The following RC3H1 variants were observed in gnomAD, a reference collection of about 807,000 sequenced individuals.
RC3H1 encodes the protein ring finger and CCCH-type domains 1.
A neutral mutation model predicts 138.2 loss-of-function variants in RC3H1; 50 were observed. That is an observed-to-expected ratio of 0.36 (90% CI 0.29 to 0.46). RC3H1 has a LOEUF of 0.46. RC3H1 is among the 20% of genes least tolerant of loss of function. RC3H1 has a pLI of 1.00. For synonymous variants in RC3H1, 462 were observed against 489.1 expected, an observed-to-expected ratio of 0.94 and a Z score of 0.73; for missense variants, 1,031 against 1,388.1, an observed-to-expected ratio of 0.74 and a Z score of 4.09.
intron 2 of RC3H1, among the ~76,000 whole-genome samples, chr1:173,988,431 T>G (rs149099153): frequency 1.1e-3 from 162 of 152,384 alleles, no homozygotes; most frequent in African/African-American, 3.8e-3. Flanking sequence ...CATTATTTCA[T>G]TTTATACAAT....
Position 173,961,712 on chromosome 1 carries a change from A to C in RC3H1, c.2202+13T>G. The C allele has an allele frequency of 6.3e-7, 1 of 1,594,292 alleles. No homozygotes were observed. ...CAAATTAAGTCTATGTAATAAAAAA[A>C]AATACAGCATACTCTGAGGTACGAA... On this transcript the variant is annotated intron_variant, in intron 12 of 19. Coordinates refer to ENST00000367696, the MANE Select transcript of RC3H1 (RefSeq NM_172071.4).
intron 17 of RC3H1, 70 bp downstream of exon 17, chr1:173,946,406 C>T (rs1003982430): frequency 6.7e-7 from 1 of 1,485,670 alleles, no homozygotes; most frequent in Non-Finnish European, 9.1e-7. Context: ...CACAGTGCCT[C>T]AAAAGTTCCT....
intron 7 of RC3H1, among the ~76,000 whole-genome samples, chr1:173,973,856 C>T (rs1290118461): frequency 6.6e-6 from 1 of 152,084 alleles, no homozygotes; most frequent in Non-Finnish European, 1.5e-5. Context: ...GGAACACTTG[C>T]TAAATCTGAG....
intron 19 of RC3H1, among the ~76,000 whole-genome samples, chr1:173,939,919 G>A (rs913415472): frequency 7.9e-5 from 12 of 152,230 alleles, no homozygotes; most frequent in Admixed American, 4.6e-4. Flanking sequence ...AGAAATTTTT[G>A]TTATATATCA....
At position 173,947,595 on chromosome 1, in the gene RC3H1, C is replaced by G. The variant is rs910879455; in HGVS notation, c.2524-13G>C. 1 of 1,607,628 alleles carries G rather than the reference C, an allele frequency of 6.2e-7. No homozygotes were observed. The highest frequency in any genetic ancestry group is 1.3e-5 in the African/African-American group (1 of 74,736). ...TACTCTCCACATTCTGATAAAAAAG[C>G]AAAATGAGAAATTACCCCACACTCA... is the stretch of plus-strand genomic sequence containing the variant. On this transcript the variant is annotated splice_polypyrimidine_tract_variant and intron_variant, in intron 14 of 19. Coordinates refer to ENST00000367696, the MANE Select transcript of RC3H1 (RefSeq NM_172071.4).
Position 173,970,608 on chromosome 1 carries a change from G to A in RC3H1, c.1231C>T (p.His411Tyr), listed in dbSNP as rs776760365. Residue 411 changes from histidine to tyrosine, a missense_variant, in exon 9 of 20, where the codon CAT (histidine) becomes TAT (tyrosine). His to Tyr is a moderately conservative substitution (Grantham distance 83). This residue lies in a region of RC3H1 where 142 missense variants were observed against 224.6 expected (regional missense o/e 0.63). Coordinates refer to ENST00000367696, the MANE Select transcript of RC3H1 (RefSeq NM_172071.4). ...CACATGTATGTTTTGTATTTGCTAT[G>A]CTGTGGAGGCTAAAACCAAAATCAA... The part of the protein sequence containing the change: ...KGADQQQPPQ[H>Y]SKYKTYMCRD... The A allele has an allele frequency of 3.7e-6, 6 of 1,611,226 alleles. No homozygotes were observed. Among genetic ancestry groups the A allele is most frequent in the Non-Finnish European group, 5.1e-6 (6 of 1,178,680 alleles).
chr1:173,948,728 G>C (rs758891723), intron 14 of RC3H1, among the ~76,000 whole-genome samples: 1 of 151,680 alleles, frequency 6.6e-6, no homozygotes, highest in Non-Finnish European at 1.5e-5. Context: ...AGCTGGGACC[G>C]GCGTGCACCA....
intron 7 of RC3H1, among the ~76,000 whole-genome samples, chr1:173,974,426 G>A (rs1428068170): frequency 2.6e-5 from 4 of 151,408 alleles, no homozygotes; most frequent in Non-Finnish European, 5.9e-5. Flanking sequence ...TCTAATATTT[G>A]TTTTGTACAA....
At chr1:173,962,222 C>A in intron 11 of RC3H1, 127 bp from the exon 12 acceptor site, 2 of 949,612 alleles carry the variant, frequency 2.1e-6, no homozygotes, top group Non-Finnish European at 1.5e-6. Context: ...TACGAGTTTT[C>A]CATCTGCTTA....
chr1:173,985,625 T>C (rs935207950), intron 2 of RC3H1, among the ~76,000 whole-genome samples: 2 of 152,180 alleles, frequency 1.3e-5, no homozygotes, highest in Non-Finnish European at 2.9e-5. Flanking sequence ...CACCTCACTT[T>C]TTTTTTGTAG....
intron 2 of RC3H1, 86 bp downstream of exon 2, chr1:173,992,669 A>ACAC: frequency 1.5e-6 from 1 of 656,796 alleles, no homozygotes; most frequent in African/African-American, 1.9e-5. Flanking sequence ...AAACACGCAC[A>ACAC]ACACACACAC....
rs186921771 is a variant in RC3H1, at chr1:173,970,709, A to G, written c.1222-92T>C. On this transcript the variant is annotated intron_variant, in intron 8 of 19. Coordinates refer to ENST00000367696, the MANE Select transcript of RC3H1 (RefSeq NM_172071.4). ...TCATTTTAGGATCTTGATAATCTAG[A>G]TAAGTAATTCACATATTTATTTAGA... is the stretch of plus-strand genomic sequence containing the variant. The G allele has an allele frequency of 8.0e-6, 6 of 754,330 alleles. No individual in the cohort carries two copies. The African/African-American group carries it at 1.1e-4, about 13-fold the overall frequency. 46.7% of individuals were successfully genotyped at this position (754,330 alleles called of 1,614,324 possible). A position where few individuals can be genotyped will look rare whatever the true frequency, so the allele number is the denominator to read the frequency against.
At chr1:173,992,360 C>T (rs921947353) in intron 2 of RC3H1, among the ~76,000 whole-genome samples, 5 of 151,912 alleles carry the variant, frequency 3.3e-5, no homozygotes, top group African/African-American at 4.8e-5. Flanking sequence ...TTGGCCAGGC[C>T]GGTCTCAAAC....
intron 6 of RC3H1, 55 bp downstream of exon 6, chr1:173,980,754 G>A (rs1660780843): frequency 7.4e-7 from 1 of 1,358,208 alleles, no homozygotes; most frequent in Admixed American, 1.8e-5. Context: ...TTTGTTAAAT[G>A]AATTACCAAA....
chr1:173,936,819 A>C lies in RC3H1; in HGVS notation c.*1902T>G, dbSNP rs1658623980. ...ATGTATAAGAAAACTGGAAAAAAAA[A>C]AAGCCTCACCTTCATTCAGTGCTTC... is the stretch of plus-strand genomic sequence containing the variant. On this transcript the variant is annotated 3_prime_UTR_variant, in exon 20 of 20. Coordinates refer to ENST00000367696, the MANE Select transcript of RC3H1 (RefSeq NM_172071.4). The C allele has an allele frequency of 6.9e-6, 1 of 144,348 alleles. No individual in the cohort carries two copies. The highest frequency in any genetic ancestry group is 2.5e-5 in the African/African-American group (1 of 39,882). 8.9% of individuals were successfully genotyped at this position (144,348 alleles called of 1,614,324 possible).
chr1:173,943,707 A>C, intron 17 of RC3H1, 92 bp from the exon 18 acceptor site: 1 of 1,265,514 alleles, frequency 7.9e-7, no homozygotes, highest in Non-Finnish European at 1.1e-6. Context: ...AGCCTTGAGT[A>C]GCTTATCACC....
chr1:173,992,010 C>T (rs940561649), intron 2 of RC3H1, among the ~76,000 whole-genome samples: 11 of 152,098 alleles, frequency 7.2e-5, no homozygotes, highest in Non-Finnish European at 1.2e-4. Context: ...TGTCACCTTT[C>T]TCATCTTTCA....
At chr1:173,985,531 T>A (rs763625763) in intron 2 of RC3H1, among the ~76,000 whole-genome samples, 14 of 142,298 alleles carry the variant, frequency 9.8e-5, no homozygotes, top group Non-Finnish European at 1.9e-4. Flanking sequence ...TAAATTTTAT[T>A]TTAAATTAAT....
Position 173,938,695 on chromosome 1 carries a change from A to C in RC3H1, c.*26T>G. ...TGCCCGACAAACTGATTAGGAGCAG[A>C]AGATAAAAGTAGGACTCCTCATATT... is the stretch of plus-strand genomic sequence containing the variant. On this transcript the variant is annotated 3_prime_UTR_variant, in exon 20 of 20. Coordinates refer to ENST00000367696, the MANE Select transcript of RC3H1 (RefSeq NM_172071.4). 6.4e-7 allele frequency: 1 copy of C among 1,555,940 alleles called. No individual in the cohort carries two copies. The highest frequency in any genetic ancestry group is 8.7e-7 in the Non-Finnish European group (1 of 1,144,806).
Sources: gnomAD v4.1 joint callset for allele counts (sites outside exome capture counted in the v4.1 genomes callset) on GRCh38, gnomAD v4.1.1 for gene constraint, gnomAD v4.1.1 regional missense constraint, MANE v1.5 for transcripts, NCBI Gene and HGNC (gene_info 2026-07-23, HGNC 2026-07-21) for gene names.